CAMK2A: variants seen among roughly 807,000 people sequenced by gnomAD.
CAMK2A encodes calcium/calmodulin dependent protein kinase II alpha.
CAMK2A carries 7 observed loss-of-function variants against 79.2 expected under a neutral mutation model. That is an observed-to-expected ratio of 0.09 (90% confidence interval 0.05 to 0.17). CAMK2A has a LOEUF of 0.17. CAMK2A is among the 10% of genes least tolerant of loss of function. The pLI, the probability that CAMK2A is intolerant of heterozygous loss-of-function variation, is 1.00. For missense variants in CAMK2A, 214 were observed against 646.4 expected, an observed-to-expected ratio of 0.33 and a Z score of 7.25; for synonymous variants, 242 against 251.7, an observed-to-expected ratio of 0.96 and a Z score of 0.36.
intron 1 of CAMK2A, among the ~76,000 whole-genome samples, chr5:150,278,885 A>C (rs1169307802): frequency 6.6e-6 from 1 of 152,100 alleles, no homozygotes; most frequent in African/African-American, 2.4e-5. Context: ...TGAGGCGTGC[A>C]TCCACGTGAG....
At position 150,286,425 on chromosome 5, in the gene CAMK2A, G is replaced by A. The variant is rs115028156; in HGVS notation, c.62+3139C>T. ...CTCACATCCATAGCCAGCCCTATCC[G>A]GGGCTCCTCAAAGGCCTGCAGTCCT... On this transcript the variant is annotated intron_variant, in intron 1 of 18. Coordinates refer to ENST00000671881, the MANE Select transcript of CAMK2A (RefSeq NM_015981.4). 4.9e-3 allele frequency among the ~76,000 whole-genome samples: 740 copies of A among 152,304 alleles called. 10 individuals are homozygous for A. In the South Asian group the frequency reaches 0.053, roughly 11 times the overall value.
chr5:150,226,801 GT>G (rs1754622410), intron 17 of CAMK2A, among the ~76,000 whole-genome samples: 2 of 142,728 alleles, frequency 1.4e-5, no homozygotes, highest in Admixed American at 7.0e-5. Flanking sequence ...TAGGTTTTTT[GT>G]TTTTTGTGTT....
At chr5:150,272,793 G>A (rs948905403) in intron 2 of CAMK2A, among the ~76,000 whole-genome samples, 1 of 151,954 alleles carries the variant, frequency 6.6e-6, no homozygotes. Context: ...AGAGAGTAGG[G>A]AAAGGAGGGC....
chr5:150,266,358 C>T (rs992011537), intron 2 of CAMK2A, among the ~76,000 whole-genome samples: 2 of 152,170 alleles, frequency 1.3e-5, no homozygotes, highest in Admixed American at 1.3e-4. Context: ...CTGAAGCCTC[C>T]GTGGTGGCAG....
intron 11 of CAMK2A, among the ~76,000 whole-genome samples, chr5:150,249,810 A>G (rs957415757): frequency 7.2e-5 from 11 of 152,026 alleles, no homozygotes; most frequent in Non-Finnish European, 4.4e-5. Flanking sequence ...AGCCTCCCAA[A>G]GTGTTGGGAT....
chr5:150,236,679 C>G (rs945781590), intron 15 of CAMK2A, among the ~76,000 whole-genome samples: 1 of 152,196 alleles, frequency 6.6e-6, no homozygotes, highest in African/African-American at 2.4e-5. Context: ...CAGGGCCCAA[C>G]TCTTATCACT....
intron 18 of CAMK2A, 111 bp downstream of exon 18, chr5:150,222,876 CCA>C: frequency 7.2e-7 from 1 of 1,390,366 alleles, no homozygotes; most frequent in Non-Finnish European, 1.0e-6. Context: ...TCTCCCCACC[CCA>C]CTCTGCAGCC....
intron 1 of CAMK2A, among the ~76,000 whole-genome samples, chr5:150,277,219 A>C (rs1038626200): frequency 6.6e-6 from 1 of 152,212 alleles, no homozygotes; most frequent in South Asian, 2.1e-4. Flanking sequence ...GTCTCAAAAG[A>C]AAAAATAAGC....
rs535015596 is a variant in CAMK2A at position 150,279,427 on chromosome 5, A to T, written c.63-6268T>A. 2.0e-5 allele frequency among the ~76,000 whole-genome samples: 3 copies of T among 152,284 alleles called. No individual in the cohort carries two copies. In the East Asian group the frequency reaches 5.8e-4, roughly 29 times the overall value. On this transcript the variant is annotated intron_variant, in intron 1 of 18. Transcript: ENST00000671881. ...TTCCTCCCCACTGCAAAATACGGATAATAATAGTACCAACCCTATGCAGTT... is the reference window on the plus strand; with the variant it reads ...TTCCTCCCCACTGCAAAATACGGATTATAATAGTACCAACCCTATGCAGTT...
At chr5:150,246,975 C>T (rs193080742) in intron 12 of CAMK2A, among the ~76,000 whole-genome samples, 23 of 152,330 alleles carry the variant, frequency 1.5e-4, no homozygotes, top group African/African-American at 5.1e-4. Flanking sequence ...TGCCTGCCAG[C>T]GGCCTGCGCT....
intron 3 of CAMK2A, among the ~76,000 whole-genome samples, chr5:150,261,701 T>C (rs1756312216): frequency 6.6e-6 from 1 of 152,196 alleles, no homozygotes; most frequent in Non-Finnish European, 1.5e-5. Context: ...ATAGAAGGAC[T>C]GGGAACAAGG....
At position 150,223,816 on chromosome 5, in the gene CAMK2A, C is replaced by T. The variant is rs1179125315; in HGVS notation, c.1238-599G>A. 6.6e-6 allele frequency among the ~76,000 whole-genome samples: 1 copy of T among 152,216 alleles called. No homozygotes were observed. Among genetic ancestry groups the T allele is most frequent in the Non-Finnish European group, 1.5e-5 (1 of 68,046 alleles). On this transcript the variant is annotated intron_variant, in intron 17 of 18. Transcript: ENST00000671881. The surrounding 1 kb of genome is among the most constrained non-coding windows in gnomAD (Gnocchi z 4.1). ...AAATCTGAATTTTTATATGAAAACT[C>T]TTCATTTTTTAGTATTGGCATCTAA...
intron 1 of CAMK2A, among the ~76,000 whole-genome samples, chr5:150,288,032 C>A (rs985595566): frequency 6.6e-6 from 1 of 151,688 alleles, no homozygotes; most frequent in African/African-American, 2.4e-5. Flanking sequence ...TATGCAGACA[C>A]CAGCATGAGC....
At chr5:150,285,235 T>C (rs1396706924) in intron 1 of CAMK2A, among the ~76,000 whole-genome samples, 1 of 152,148 alleles carries the variant, frequency 6.6e-6, no homozygotes, top group Non-Finnish European at 1.5e-5. Flanking sequence ...AGCCAGTCTC[T>C]CCACCTCCTC....
rs139939189 is a variant in CAMK2A, at chr5:150,229,109, G to A, written c.1143-823C>T. 9.9e-4 allele frequency among the ~76,000 whole-genome samples: 151 copies of A among 152,316 alleles called. 1 individual carries two copies. The highest frequency in any genetic ancestry group is 3.3e-3 in the African/African-American group (137 of 41,572). On this transcript the variant is annotated intron_variant, in intron 16 of 18. Transcript: ENST00000671881. Reference sequence around the variant, plus strand: ...CAGGAAATGTCCCAGGACAAGCAAAGCTCCCAACCCAGGGTAGAATTGGAG... The same window carrying A: ...CAGGAAATGTCCCAGGACAAGCAAAACTCCCAACCCAGGGTAGAATTGGAG...
At chr5:150,236,159 A>C (rs1755049851) in intron 15 of CAMK2A, among the ~76,000 whole-genome samples, 1 of 152,210 alleles carries the variant, frequency 6.6e-6, no homozygotes, top group Non-Finnish European at 1.5e-5. Context: ...AATGACGGCA[A>C]ATGTGAGACC....
At chr5:150,271,257 T>G (rs1020467115) in intron 2 of CAMK2A, among the ~76,000 whole-genome samples, 1 of 152,216 alleles carries the variant, frequency 6.6e-6, no homozygotes, top group African/African-American at 2.4e-5. Flanking sequence ...CTTTTCATAC[T>G]GACTGTATAG....
intron 7 of CAMK2A, 52 bp downstream of exon 7, chr5:150,253,392 C>G: frequency 1.4e-6 from 2 of 1,425,612 alleles, no homozygotes; most frequent in South Asian, 2.3e-5. Context: ...GCTTATGTGT[C>G]AACACAAATG....
intron 13 of CAMK2A, among the ~76,000 whole-genome samples, chr5:150,240,901 G>A (rs1251703973): frequency 6.6e-6 from 1 of 152,232 alleles, no homozygotes; most frequent in Non-Finnish European, 1.5e-5. Flanking sequence ...GAAGGGACTC[G>A]AGGAGCCCAC....
Sources: allele counts gnomAD v4.1 joint callset (sites outside exome capture counted in the v4.1 genomes callset), GRCh38; gene constraint gnomAD v4.1.1; non-coding constraint Gnocchi (gnomAD v3.1); transcripts MANE v1.5; gene names NCBI Gene and HGNC (gene_info 2026-07-23, HGNC 2026-07-21).